Variants in ATP6V1C1 observed in about 807,000 individuals in gnomAD.
ATP6V1C1 encodes the protein ATPase H+ transporting V1 subunit C1, also known as V-type proton ATPase subunit C 1.
ATP6V1C1 carries 45 observed loss-of-function variants against 53.9 expected under a neutral mutation model. The ratio of observed to expected loss-of-function variants is 0.83; its 90% CI spans 0.66 to 1.07. The LOEUF (loss-of-function observed/expected upper bound fraction) is 1.07. Among genes scored for constraint, ATP6V1C1 ranks in the 50% least tolerant of loss-of-function variants. The probability of loss-of-function intolerance (pLI) is 0.00; values close to 1 mark genes in which losing one functional copy is unlikely to be tolerated. For synonymous variants in ATP6V1C1, 153 were observed against 155.2 expected (o/e 0.99, Z 0.11); for missense variants, 315 against 440.3 (o/e 0.72, Z 2.55).
chr8:103,022,900 A>T (rs1181029045), intron 1 of ATP6V1C1, among the ~76,000 whole-genome samples: 3 of 152,104 alleles, frequency 2.0e-5, no homozygotes, highest in African/African-American at 4.8e-5. Context: ...AAATAAAAAA[A>T]TAACTAGCTG....
chr8:103,048,814 G>A (rs10955301), intron 3 of ATP6V1C1, 56 bp from the exon 4 acceptor site: 1 of 1,438,440 alleles, frequency 7.0e-7, no homozygotes, highest in South Asian at 1.2e-5. Flanking sequence ...TCATTGTATA[G>A]AATGGAATTT....
chr8:103,065,998 C>T (rs1385009024), intron 11 of ATP6V1C1, among the ~76,000 whole-genome samples: 2 of 151,902 alleles, frequency 1.3e-5, no homozygotes, highest in African/African-American at 2.4e-5. Context: ...GCCAGGATTG[C>T]ACCACTGCAC....
At chr8:103,031,496 A>G (rs1162977157) in intron 1 of ATP6V1C1, among the ~76,000 whole-genome samples, 2 of 152,186 alleles carry the variant, frequency 1.3e-5, no homozygotes, top group Non-Finnish European at 2.9e-5. Flanking sequence ...AGAAGGAGCA[A>G]GAGTCAGGGG....
chr8:103,032,230 G>C (rs1300593956), intron 1 of ATP6V1C1, among the ~76,000 whole-genome samples: 3 of 152,134 alleles, frequency 2.0e-5, no homozygotes, highest in Non-Finnish European at 2.9e-5. Flanking sequence ...CAAAAGACTT[G>C]AATAGAAAAT....
Position 103,062,937 on chromosome 8 carries a change from C to CTTT in ATP6V1C1, c.642-9_642-7dup. Reference sequence around the variant, plus strand: ...CAATACGTATAAATCTTTAAATGGACTTTTTTTTTTTCCATAGTGTTCTTT... The same window carrying CTTT: ...CAATACGTATAAATCTTTAAATGGACTTTTTTTTTTTTTTCCATAGTGTTCTTT... On this transcript the variant is annotated splice_polypyrimidine_tract_variant and intron_variant, in intron 8 of 12. Coordinates refer to ENST00000518738, the MANE Select transcript of ATP6V1C1 (RefSeq NM_001695.5). 2 of 1,217,604 alleles carry CTTT rather than the reference C, an allele frequency of 1.6e-6. No homozygotes were observed. Among genetic ancestry groups the CTTT allele is most frequent in the African/African-American group, 1.5e-5 (1 of 65,328 alleles). The allele number at this position is 1,217,604 out of a possible 1,614,324, so 75.4% of individuals were successfully genotyped here.
chr8:103,038,524 C>G (rs1282192400), intron 1 of ATP6V1C1, among the ~76,000 whole-genome samples: 3 of 152,148 alleles, frequency 2.0e-5, no homozygotes, highest in Non-Finnish European at 4.4e-5. Flanking sequence ...CAGAAAAAAT[C>G]TTTCACAGAT....
chr8:103,044,164 G>A (rs550337678), intron 3 of ATP6V1C1, among the ~76,000 whole-genome samples: 12 of 152,338 alleles, frequency 7.9e-5, no homozygotes, highest in South Asian at 4.1e-4. Context: ...GATTACAGGC[G>A]TGAGCCACCG....
intron 1 of ATP6V1C1, among the ~76,000 whole-genome samples, chr8:103,024,055 T>C (rs1200533057): frequency 6.6e-6 from 1 of 152,178 alleles, no homozygotes; most frequent in Middle Eastern, 3.2e-3. Context: ...GAGGAAATAA[T>C]GAACAATAAG....
chr8:103,028,436 C>T (rs1163465541), intron 1 of ATP6V1C1, among the ~76,000 whole-genome samples: 1 of 152,198 alleles, frequency 6.6e-6, no homozygotes, highest in Non-Finnish European at 1.5e-5. Flanking sequence ...GTTCAGCCTT[C>T]TGTCCATAGC....
intron 8 of ATP6V1C1, among the ~76,000 whole-genome samples, chr8:103,057,240 T>C (rs1253371512): frequency 6.6e-6 from 1 of 152,194 alleles, no homozygotes; most frequent in East Asian, 1.9e-4. Flanking sequence ...GCTCACCTCA[T>C]GTAAATGACG....
Position 103,036,871 on chromosome 8 carries a change from T to TG in ATP6V1C1, c.-39-3921dup, listed in dbSNP as rs200690930. On this transcript the variant is annotated intron_variant, in intron 1 of 12. Transcript: ENST00000518738. Reference sequence around the variant, plus strand: ...CAGTTGATTTTATTACCTGCCATTTTGGGGGGAGAGGAGGTATAAAAATGT... The same window carrying TG: ...CAGTTGATTTTATTACCTGCCATTTTGGGGGGGAGAGGAGGTATAAAAATGT... Among the ~76,000 whole-genome samples, 1,030 of 152,288 alleles carry TG rather than the reference T, an allele frequency of 6.8e-3. 14 individuals are homozygous for TG. The highest frequency in any genetic ancestry group is 0.031 in the Middle Eastern group (9 of 294).
In ATP6V1C1 at chr8:103,070,796, T is replaced by C. The variant is rs1817574052; in HGVS notation, c.*2049T>C. 1 of 152,264 alleles carries C rather than the reference T, an allele frequency of 6.6e-6. No individual in the cohort carries two copies. Among genetic ancestry groups the C allele is most frequent in the Non-Finnish European group, 1.5e-5 (1 of 68,048 alleles). The allele number at this position is 152,264 out of a possible 1,614,324, so 9.4% of individuals were successfully genotyped here. ...TAGCAGAGTGGCTGAGCATGTGCTC[T>C]GAGGCCAGGCCCCAGCTCTGCTGCT... On this transcript the variant is annotated 3_prime_UTR_variant, in exon 13 of 13. Transcript: ENST00000518738.
At chr8:103,058,114 CT>C (rs1817322687) in intron 8 of ATP6V1C1, among the ~76,000 whole-genome samples, 1 of 152,168 alleles carries the variant, frequency 6.6e-6, no homozygotes, top group African/African-American at 2.4e-5. Context: ...CAGATTTACT[CT>C]GATAGAAAGA....
chr8:103,053,543 A>G (rs187704349), intron 6 of ATP6V1C1, among the ~76,000 whole-genome samples: 10 of 152,126 alleles, frequency 6.6e-5, no homozygotes, highest in African/African-American at 2.4e-4. Context: ...TAGATGACAT[A>G]GTTTCATAAT....
intron 4 of ATP6V1C1, among the ~76,000 whole-genome samples, chr8:103,050,557 T>C (rs1266763209): frequency 6.6e-6 from 1 of 152,228 alleles, no homozygotes; most frequent in African/African-American, 2.4e-5. Context: ...CTCTACATGT[T>C]TTATTCTTTC....
chr8:103,062,739 AAAT>A (rs1817424008), intron 8 of ATP6V1C1, among the ~76,000 whole-genome samples: 2 of 152,222 alleles, frequency 1.3e-5, no homozygotes, highest in African/African-American at 4.8e-5. Flanking sequence ...GGTTAGTAAG[AAAT>A]AAATGTAGAG....
intron 3 of ATP6V1C1, among the ~76,000 whole-genome samples, chr8:103,043,696 T>C (rs1817043413): frequency 6.6e-6 from 1 of 152,160 alleles, no homozygotes; most frequent in Non-Finnish European, 1.5e-5. Context: ...GTGTTGAGTA[T>C]CTTTTCATGT....
At chr8:103,026,868 ATCATGGACGTAT>A (rs1220723919) in intron 1 of ATP6V1C1, among the ~76,000 whole-genome samples, 1 of 152,254 alleles carries the variant, frequency 6.6e-6, no homozygotes, top group Non-Finnish European at 1.5e-5. Context: ...TTTCGTATGA[ATCATGGACGTAT>A]TCCTTGAAAG....
At chr8:103,058,587 A>G (rs1817332196) in intron 8 of ATP6V1C1, among the ~76,000 whole-genome samples, 1 of 152,244 alleles carries the variant, frequency 6.6e-6, no homozygotes, top group African/African-American at 2.4e-5. Flanking sequence ...ACACAAGTTA[A>G]TTAATTATAG....
Sources: allele counts gnomAD v4.1 joint callset (sites outside exome capture counted in the v4.1 genomes callset), GRCh38; gene constraint gnomAD v4.1.1; transcripts MANE v1.5; gene names NCBI Gene and HGNC (gene_info 2026-07-23, HGNC 2026-07-21).